NT5DC3: variants seen among roughly 807,000 people sequenced by gnomAD.
NT5DC3 encodes the protein 5'-nucleotidase domain-containing protein 3.
In NT5DC3, 42 loss-of-function variants were observed where a neutral mutation model predicts 67.8. The ratio of observed to expected loss-of-function variants is 0.62; its 90% CI spans 0.48 to 0.80. NT5DC3 has a LOEUF of 0.80. NT5DC3 is among the 30% of genes least tolerant of loss of function. The pLI is 0.00. For synonymous variants in NT5DC3, 237 were observed against 255.6 expected, an observed-to-expected ratio of 0.93 and a Z score of 0.69; for missense variants, 570 against 696.4, an observed-to-expected ratio of 0.82 and a Z score of 2.04.
Position 103,776,624 on chromosome 12 carries a change from T to C in NT5DC3, c.*1205A>G, listed in dbSNP as rs986215111. 1.3e-5 allele frequency: 2 copies of C among 150,762 alleles called. No individual in the cohort carries two copies. Among genetic ancestry groups the C allele is most frequent in the African/African-American group, 4.9e-5 (2 of 40,924 alleles). 9.3% of individuals were successfully genotyped at this position (150,762 alleles called of 1,614,324 possible). On this transcript the variant is annotated 3_prime_UTR_variant, in exon 14 of 14. Transcript: ENST00000392876. ...GGTCATATCTATTCCTTAGCTTCAATGTCCTTCGCCCTTTCCCATCTTAGA... is the reference window on the plus strand; with the variant it reads ...GGTCATATCTATTCCTTAGCTTCAACGTCCTTCGCCCTTTCCCATCTTAGA...
chr12:103,762,514 T>G, the NT5DC3 span: 1 of 1,537,550 alleles, frequency 6.5e-7, no homozygotes, highest in Non-Finnish European at 8.9e-7. Context: ...AGAAGCAGTG[T>G]GTCACACAGT....
chr12:103,824,213 G>A (rs984522845), intron 1 of NT5DC3, among the ~76,000 whole-genome samples: 3 of 152,232 alleles, frequency 2.0e-5, no homozygotes, highest in Non-Finnish European at 2.9e-5. Flanking sequence ...CCAAGGTTGA[G>A]ATGACAATTC....
intron 2 of NT5DC3, among the ~76,000 whole-genome samples, chr12:103,810,034 A>C (rs1442725521): frequency 2.7e-5 from 4 of 149,700 alleles, no homozygotes; most frequent in Non-Finnish European, 6.0e-5. Context: ...CAGCCCAAAA[A>C]TGCGTGTGGC....
At chr12:103,785,224 G>T in intron 12 of NT5DC3, 111 bp downstream of exon 12, 1 of 1,065,776 alleles carries the variant, frequency 9.4e-7, no homozygotes, top group Non-Finnish European at 1.4e-6. Context: ...ACAGTCTACT[G>T]AAAACAACTT....
chr12:103,789,288 G>T (rs1170203399), intron 9 of NT5DC3, among the ~76,000 whole-genome samples: 6 of 152,136 alleles, frequency 3.9e-5, no homozygotes, highest in Non-Finnish European at 7.3e-5. Context: ...GCTGAGCATG[G>T]TGGCGGGCAC....
intron 1 of NT5DC3, among the ~76,000 whole-genome samples, chr12:103,831,598 G>A (rs185016986): frequency 2.6e-4 from 40 of 152,110 alleles, no homozygotes; most frequent in African/African-American, 8.0e-4. Context: ...CTCCCTGCAC[G>A]GAAGGAAGCA....
At chr12:103,769,915 A>C (rs1885143570), downstream of NT5DC3, among the ~76,000 whole-genome samples, 1 of 152,234 alleles carries the variant, frequency 6.6e-6, no homozygotes, top group South Asian at 2.1e-4. Flanking sequence ...TCAACTTCCC[A>C]TACCTGATAT....
intron 4 of NT5DC3, 22 bp downstream of exon 4, chr12:103,806,300 A>T: frequency 6.5e-7 from 1 of 1,534,700 alleles, no homozygotes; most frequent in Non-Finnish European, 9.0e-7. Context: ...CGTAAATTAA[A>T]TGTATCTCCT....
intron 8 of NT5DC3, 64 bp from the exon 9 acceptor site, chr12:103,793,329 T>G: frequency 6.4e-7 from 1 of 1,566,112 alleles, no homozygotes; most frequent in African/African-American, 1.3e-5. Context: ...TGTAACTTTT[T>G]CTTTCCAATT....
intron 1 of NT5DC3, among the ~76,000 whole-genome samples, chr12:103,825,429 C>A (rs1202158661): frequency 1.3e-5 from 2 of 152,028 alleles, no homozygotes; most frequent in East Asian, 3.9e-4. Context: ...TAAAAAAAAT[C>A]TTTAAAAAAA....
rs1489987842 is a variant in NT5DC3 at position 103,777,890 on chromosome 12, G to A, written c.1586C>T (p.Ala529Val). 1.2e-6 allele frequency: 2 copies of A among 1,614,066 alleles called. No individual in the cohort carries two copies. The highest frequency in any genetic ancestry group is 2.7e-5 in the African/African-American group (2 of 74,920). ...GAAGGTGGGGGGCCTTTCTGACCAG[G>A]CGGGCAGTTCGTGCTGCAGTGGAGT... is the stretch of plus-strand genomic sequence containing the variant. ...RRTPLQHELP[A>V]WSERPPTFGT... Residue 529 changes from alanine to valine, a missense_variant, in exon 14 of 14, where the codon GCC becomes GTC. Transcript: ENST00000392876.
chr12:103,806,501 A>G (rs1886806526), intron 3 of NT5DC3, 124 bp from the exon 4 acceptor site: 2 of 702,768 alleles, frequency 2.8e-6, no homozygotes, highest in African/African-American at 3.5e-5. Flanking sequence ...AGCACACTGT[A>G]TATTCCTGAA....
At chr12:103,801,697 T>C (rs549716489) in intron 4 of NT5DC3, among the ~76,000 whole-genome samples, 1 of 152,094 alleles carries the variant, frequency 6.6e-6, no homozygotes, top group Admixed American at 6.5e-5. Context: ...GCATTTTTTT[T>C]AAATGTATTT....
chr12:103,770,206 T>C (rs976821966), downstream of NT5DC3, among the ~76,000 whole-genome samples: 1 of 152,210 alleles, frequency 6.6e-6, no homozygotes, highest in Non-Finnish European at 1.5e-5. Context: ...ATGCTTAGAT[T>C]TGCCTTTTAA....
At chr12:103,756,439 C>T in the NT5DC3 span, among the ~76,000 whole-genome samples, 1 of 151,894 alleles carries the variant, frequency 6.6e-6, no homozygotes, top group African/African-American at 2.4e-5. Context: ...ATTGTCTCCC[C>T]AAACCCTCAG....
At chr12:103,804,194 C>G (rs79654675) in intron 4 of NT5DC3, among the ~76,000 whole-genome samples, 1,963 of 152,246 alleles carry the variant, frequency 0.013, 43 homozygotes, top group African/African-American at 0.045. Flanking sequence ...CATCCTGAAA[C>G]ACTATTAAAG....
intron 4 of NT5DC3, 118 bp from the exon 5 acceptor site, chr12:103,798,795 G>A: frequency 3.0e-6 from 2 of 668,598 alleles, no homozygotes; most frequent in Admixed American, 2.8e-5. Context: ...TCATGACGAG[G>A]CAAAATGTGC....
the NT5DC3 span, among the ~76,000 whole-genome samples, chr12:103,757,362 A>G: frequency 1.3e-5 from 2 of 152,234 alleles, no homozygotes; most frequent in Non-Finnish European, 2.9e-5. Context: ...TGCTGGGATT[A>G]TAGGTGTGAG....
chr12:103,800,159 A>C (rs1410869538), intron 4 of NT5DC3, among the ~76,000 whole-genome samples: 1 of 152,250 alleles, frequency 6.6e-6, no homozygotes, highest in East Asian at 1.9e-4. Flanking sequence ...TTTGATATGT[A>C]ACGTTAACAA....
Sources: allele counts gnomAD v4.1 joint callset (sites outside exome capture counted in the v4.1 genomes callset), GRCh38; gene constraint gnomAD v4.1.1; transcripts MANE v1.5; gene names NCBI Gene and HGNC (gene_info 2026-07-23, HGNC 2026-07-21).